GABRQ: variants seen among roughly 807,000 people sequenced by gnomAD.
The protein encoded by GABRQ is gamma-aminobutyric acid receptor subunit theta.
In GABRQ, 19 loss-of-function variants were observed where a neutral mutation model predicts 30.5. That is an observed-to-expected ratio of 0.62 (90% CI 0.43 to 0.91). GABRQ has a LOEUF of 0.91. GABRQ is among the 40% of genes least tolerant of loss of function. The pLI, the probability that GABRQ is intolerant of heterozygous loss-of-function variation, is 0.00. For missense variants in GABRQ, 520 were observed against 521.4 expected, an observed-to-expected ratio of 1.00 and a Z score of 0.03; for synonymous variants, 187 against 210.2, an observed-to-expected ratio of 0.89 and a Z score of 0.95.
intron 7 of GABRQ, among the ~76,000 whole-genome samples, 186 bp from the exon 8 acceptor site, chrX:152,651,340 A>C (rs1458877587): frequency 3.6e-5 from 4 of 112,389 alleles, no homozygotes; most frequent in Non-Finnish European, 7.5e-5. Context: ...CGCTAAGAGC[A>C]ATAAGAAGTC....
intron 2 of GABRQ, among the ~76,000 whole-genome samples, chrX:152,643,934 C>T (rs1033612734): frequency 1.8e-5 from 2 of 111,908 alleles, no homozygotes; most frequent in Admixed American, 9.4e-5. Context: ...TGCTCACACA[C>T]ACATGCAAAT....
At chrX:152,649,372 G>A (rs1461169974) in intron 5 of GABRQ, 39 bp downstream of exon 5, 1 of 830,346 alleles carries the variant, frequency 1.2e-6, no homozygotes, top group Non-Finnish European at 1.8e-6. Context: ...CCGTACTTGG[G>A]GCTGTGGTGA....
Position 152,653,028 on chromosome X carries a change from A to G in GABRQ, c.1646A>G (p.Gln549Arg). The change falls in exon 9 of 9, where the codon CAA (glutamine) becomes CGA (arginine). Residue 549 changes from glutamine to arginine, a missense_variant. Gln to Arg is a conservative substitution (Grantham distance 43). Coordinates refer to ENST00000598523, the MANE Select transcript of GABRQ (RefSeq NM_018558.4). ...DKSDCLAIKE[Q>R]FKCDTNSTWG... The stretch of plus-strand genomic sequence containing the variant: ...AGCGACTGCCTTGCCATTAAGGAGC[A>G]ATTCAAGTGTGATACTAACAGTACC... 8.3e-7 allele frequency: 1 copy of G among 1,211,298 alleles called. No individual in the cohort carries two copies. The highest frequency in any genetic ancestry group is 1.1e-6 in the Non-Finnish European group (1 of 895,031).
intron 1 of GABRQ, among the ~76,000 whole-genome samples, chrX:152,639,278 A>AGGG (rs36127418): frequency 2.2e-4 from 16 of 72,803 alleles, no homozygotes; most frequent in African/African-American, 7.4e-4. Context: ...GTACTCATAA[A>AGGG]GGGGGGGGGG....
chrX:152,649,761 C>G lies in GABRQ; in HGVS notation c.630C>G (p.Asp210Glu). 8.4e-7 allele frequency: 1 copy of G among 1,185,311 alleles called. No individual in the cohort carries two copies. Among genetic ancestry groups the G allele is most frequent in the South Asian group, 1.8e-5 (1 of 56,324 alleles). The part of the protein sequence containing the change: ...VVESYGYTVE[D>E]IILFWDDNGN... ...TCCCAGATGGTTACACGGTTGAAGA[C>G]ATCATATTATTCTGGGATGACAATG... Residue 210 changes from aspartate (D) to glutamate (E), a missense_variant, in exon 6 of 9, where the codon GAC becomes GAG. Transcript: ENST00000598523.
intron 4 of GABRQ, among the ~76,000 whole-genome samples, chrX:152,647,906 C>T (rs781986246): frequency 8.9e-6 from 1 of 112,073 alleles, no homozygotes; most frequent in East Asian, 2.8e-4. Flanking sequence ...TTGGCTCTTA[C>T]GGTTTTTACA....
chrX:152,657,821 T>C (rs1044225424), downstream of GABRQ, among the ~76,000 whole-genome samples: 16 of 112,350 alleles, frequency 1.4e-4, no homozygotes, highest in Non-Finnish European at 2.8e-4. Flanking sequence ...GGTGCCAAAA[T>C]ACAAGGTAGA....
intron 2 of GABRQ, among the ~76,000 whole-genome samples, chrX:152,642,591 G>A (rs1485526340): frequency 6.2e-5 from 7 of 112,654 alleles, no homozygotes; most frequent in Admixed American, 2.8e-4. Context: ...TTAGGCACCC[G>A]ATATTGTGAA....
intron 1 of GABRQ, among the ~76,000 whole-genome samples, chrX:152,639,166 A>G (rs1556817897): frequency 9.1e-6 from 1 of 110,165 alleles, no homozygotes; most frequent in African/African-American, 3.3e-5. Flanking sequence ...TTTGGGAATA[A>G]TTCATGTGCA....
chrX:152,649,506 G>C (rs5924752), intron 5 of GABRQ, among the ~76,000 whole-genome samples, 173 bp downstream of exon 5: 12,328 of 111,452 alleles, frequency 0.11, 621 homozygotes, highest in Non-Finnish European at 0.16. Context: ...TAGAAATAAA[G>C]AGAGAAAGAT....
intron 1 of GABRQ, among the ~76,000 whole-genome samples, chrX:152,640,171 G>GC (rs1556818109): frequency 4.4e-5 from 3 of 67,530 alleles, no homozygotes; most frequent in African/African-American, 2.8e-4. Flanking sequence ...CTGGGAAGGT[G>GC]GGGGGGGGAG....
intron 1 of GABRQ, among the ~76,000 whole-genome samples, chrX:152,639,961 C>A (rs1930712352): frequency 1.8e-5 from 2 of 111,816 alleles, no homozygotes; most frequent in South Asian, 7.6e-4. Flanking sequence ...CAGGAGGACC[C>A]CCACCAACCT....
chrX:152,651,578 G>C lies in GABRQ; in HGVS notation c.954G>C (p.Lys318Asn). The C allele has an allele frequency of 5.0e-6, 6 of 1,206,284 alleles. No individual in the cohort carries two copies. Among genetic ancestry groups the C allele is most frequent in the Non-Finnish European group, 6.7e-6 (6 of 890,202 alleles). The stretch of plus-strand genomic sequence containing the variant: ...CCATCGACTCACATCTGCGGGATAA[G>C]CTCCCCAACATTTCCTGTATCAAGG... ...LTTIDSHLRD[K>N]LPNISCIKAI... Residue 318 changes from lysine to asparagine, a missense_variant, in exon 8 of 9, where the codon AAG (lysine) becomes AAC (asparagine). By Grantham distance (94) the Lys-to-Asn change is moderately conservative. Transcript: ENST00000598523.
intron 6 of GABRQ, among the ~76,000 whole-genome samples, chrX:152,650,102 T>C (rs1930983608): frequency 8.9e-6 from 1 of 111,945 alleles, no homozygotes; most frequent in African/African-American, 3.2e-5. Flanking sequence ...TGTAAAAGAT[T>C]CATGCTCCTC....
chrX:152,651,331 G>A (rs782276871), intron 7 of GABRQ, among the ~76,000 whole-genome samples, 195 bp from the exon 8 acceptor site: 1 of 112,348 alleles, frequency 8.9e-6, no homozygotes, highest in South Asian at 3.7e-4. Flanking sequence ...GAGACTTGAC[G>A]CTAAGAGCAA....
intron 2 of GABRQ, among the ~76,000 whole-genome samples, chrX:152,644,603 C>G (rs1346733776): frequency 8.9e-6 from 1 of 112,286 alleles, no homozygotes; most frequent in Non-Finnish European, 1.9e-5. Context: ...AGCTAGTTCA[C>G]AGACATGAAC....
In GABRQ at chrX:152,647,627, G is replaced by C. The variant is rs1198402003; in HGVS notation, c.527+459G>C. Among the ~76,000 whole-genome samples, 5 of 111,885 alleles carry C rather than the reference G, an allele frequency of 4.5e-5. No homozygotes were observed. The Admixed American group carries it at 4.7e-4, about 11-fold the overall frequency. On this transcript the variant is annotated intron_variant, in intron 4 of 8. Transcript: ENST00000598523. ...TGAAGTCCATGCAGTGAACGAGGGG[G>C]CCTGCTTTCTGCCTTCAGTCATATT...
intron 4 of GABRQ, among the ~76,000 whole-genome samples, chrX:152,648,021 A>G (rs1930929239): frequency 8.9e-6 from 1 of 112,037 alleles, no homozygotes. Context: ...GGAAATAACA[A>G]GACTCACAGG....
Position 152,640,455 on chromosome X carries a change from C to T in GABRQ, c.227C>T (p.Pro76Leu), listed in dbSNP as rs782223410. The T allele has an allele frequency of 1.1e-5, 13 of 1,166,632 alleles. No homozygotes were observed. The African/African-American group carries it at 1.4e-4, about 13-fold the overall frequency. Residue 76 changes from proline (P) to leucine (L), a missense_variant, in exon 2 of 9, where the codon CCG (proline) becomes CTG (leucine). Transcript: ENST00000598523. ...VLSRYDVRLRPNFGGAPVPVR... is the reference protein window; with the variant it reads ...VLSRYDVRLRLNFGGAPVPVR... ...TCAAGATACGATGTCCGCCTGAGAC[C>T]GAATTTTGGAGGTAAGGCATATCCA... is the stretch of plus-strand genomic sequence containing the variant.
Sources: gnomAD v4.1 joint callset for allele counts (sites outside exome capture counted in the v4.1 genomes callset) on GRCh38, gnomAD v4.1.1 for gene constraint, MANE v1.5 for transcripts, NCBI Gene and HGNC (gene_info 2026-07-23, HGNC 2026-07-21) for gene names.